The following IRF2 variants were observed in gnomAD, a reference collection of about 807,000 sequenced individuals.
The protein encoded by IRF2 is interferon regulatory factor 2.
A neutral mutation model predicts 40.6 loss-of-function variants in IRF2; 15 were observed. The observed-to-expected ratio is 0.37, with a 90% confidence interval of 0.25 to 0.57. IRF2 has a LOEUF of 0.57. Among genes scored for constraint, IRF2 ranks in the 20% least tolerant of loss-of-function variants. IRF2 has a pLI of 0.77. For missense variants in IRF2, 317 were observed against 455.7 expected (o/e 0.70, Z 2.77); for synonymous variants, 151 against 165.5 (o/e 0.91, Z 0.67).
At chr4:184,473,288 G>A (rs1415296653) in intron 1 of IRF2, among the ~76,000 whole-genome samples, 2 of 150,140 alleles carry the variant, frequency 1.3e-5, no homozygotes, top group Non-Finnish European at 3.0e-5. Context: ...GGGGACGCCG[G>A]CCCCCACTGC....
intron 5 of IRF2, among the ~76,000 whole-genome samples, chr4:184,415,029 C>G (rs1737213502): frequency 6.6e-6 from 1 of 152,156 alleles, no homozygotes; most frequent in Non-Finnish European, 1.5e-5. Flanking sequence ...CTCTGACTTT[C>G]CAATTCCAGA....
At chr4:184,454,809 A>C (rs534664044) in intron 1 of IRF2, among the ~76,000 whole-genome samples, 1 of 152,312 alleles carries the variant, frequency 6.6e-6, no homozygotes, top group South Asian at 2.1e-4. Context: ...CAGAGATCTT[A>C]ATAGCAACTT....
intron 1 of IRF2, among the ~76,000 whole-genome samples, chr4:184,462,833 T>C (rs929565062): frequency 6.6e-6 from 1 of 152,236 alleles, no homozygotes; most frequent in African/African-American, 2.4e-5. Flanking sequence ...AGGTTTCTAG[T>C]ACAAACTAGA....
At chr4:184,407,897 C>T (rs928043230) in intron 6 of IRF2, among the ~76,000 whole-genome samples, 4 of 152,166 alleles carry the variant, frequency 2.6e-5, no homozygotes, top group Non-Finnish European at 5.9e-5. Context: ...TCGCTAGCCA[C>T]GAGCCGCCGG....
intron 1 of IRF2, among the ~76,000 whole-genome samples, chr4:184,440,065 G>A (rs957190532): frequency 6.6e-6 from 1 of 152,228 alleles, no homozygotes; most frequent in African/African-American, 2.4e-5. Context: ...CTAGGCAGAT[G>A]TAAGAAACAC....
chr4:184,457,037 T>A (rs911220871), intron 1 of IRF2, among the ~76,000 whole-genome samples: 2 of 152,248 alleles, frequency 1.3e-5, no homozygotes, highest in African/African-American at 4.8e-5. Flanking sequence ...AAACACTCTG[T>A]AGCTGCGTCG....
At chr4:184,454,484 C>T (rs913408318) in intron 1 of IRF2, among the ~76,000 whole-genome samples, 111 of 152,130 alleles carry the variant, frequency 7.3e-4, no homozygotes, top group African/African-American at 2.5e-3. Flanking sequence ...GGAATACCTC[C>T]GAAGCAAGAA....
At chr4:184,395,464 G>T (rs1269391658) in intron 7 of IRF2, among the ~76,000 whole-genome samples, 4 of 141,650 alleles carry the variant, frequency 2.8e-5, no homozygotes, top group African/African-American at 1.0e-4. Context: ...AAATTCAGAT[G>T]AACAGCCCAA....
chr4:184,461,813 T>G (rs1739159182), intron 1 of IRF2, among the ~76,000 whole-genome samples: 1 of 151,972 alleles, frequency 6.6e-6, no homozygotes, highest in African/African-American at 2.4e-5. Context: ...CATTTTCAAT[T>G]CACCCTGACT....
At chr4:184,415,796 C>G (rs888992548) in intron 5 of IRF2, among the ~76,000 whole-genome samples, 1 of 152,202 alleles carries the variant, frequency 6.6e-6, no homozygotes, top group Admixed American at 6.5e-5. Flanking sequence ...ACTCCCACCC[C>G]ACATATCCTA....
intron 6 of IRF2, among the ~76,000 whole-genome samples, chr4:184,403,293 T>C (rs1579807090): frequency 6.6e-6 from 1 of 152,112 alleles, no homozygotes; most frequent in Non-Finnish European, 1.5e-5. Context: ...TCTCGACATG[T>C]GAACTGATTT....
chr4:184,445,448 G>A (rs781294263), intron 1 of IRF2, among the ~76,000 whole-genome samples: 1 of 152,148 alleles, frequency 6.6e-6, no homozygotes, highest in South Asian at 2.1e-4. Context: ...GAGCTCAAGA[G>A]ATCAACACCA....
intron 2 of IRF2, 41 bp from the exon 3 acceptor site, chr4:184,419,609 A>G: frequency 7.0e-7 from 1 of 1,432,210 alleles, no homozygotes; most frequent in Non-Finnish European, 9.6e-7. Context: ...AACTGGAGTC[A>G]TGGGTTTTGG....
chr4:184,406,182 C>T (rs529510517), intron 6 of IRF2, among the ~76,000 whole-genome samples: 1 of 152,110 alleles, frequency 6.6e-6, no homozygotes, highest in East Asian at 1.9e-4. Context: ...GGGTGATCTC[C>T]TAAGAGGTGG....
rs1036708462 is a variant in IRF2 at position 184,413,817 on chromosome 4, A to G, written c.411+4350T>C. The stretch of plus-strand genomic sequence containing the variant: ...GGAAGTACCCATTTCTATTCGCCCC[A>G]CCTACATGCCTGTATTTCCCATTGC... On this transcript the variant is annotated intron_variant, in intron 5 of 8. Transcript: ENST00000393593. This position sits in a 1 kb window ranked among gnomAD's most constrained non-coding sequence, Gnocchi z 4.2. Among the ~76,000 whole-genome samples the G allele has an allele frequency of 6.6e-6, 1 of 152,126 alleles. No homozygotes were observed. The highest frequency in any genetic ancestry group is 1.5e-5 in the Non-Finnish European group (1 of 68,018).
chr4:184,424,739 A>C (rs1016408537), intron 2 of IRF2, among the ~76,000 whole-genome samples: 4 of 152,246 alleles, frequency 2.6e-5, no homozygotes, highest in Non-Finnish European at 5.9e-5. Context: ...ATTCTGTTAG[A>C]AGCAACAGGG....
chr4:184,453,637 T>C (rs1362001070), intron 1 of IRF2, among the ~76,000 whole-genome samples: 1 of 152,180 alleles, frequency 6.6e-6, no homozygotes, highest in East Asian at 1.9e-4. Flanking sequence ...AGTCCTCTGA[T>C]GCAGACACTG....
At chr4:184,407,900 G>A (rs1736918188) in intron 6 of IRF2, among the ~76,000 whole-genome samples, 2 of 152,156 alleles carry the variant, frequency 1.3e-5, no homozygotes, top group Admixed American at 1.3e-4. Flanking sequence ...CTAGCCACGA[G>A]CCGCCGGGAA....
intron 1 of IRF2, chr4:184,472,703 G>A (rs1739555840): frequency 6.6e-6 from 1 of 152,220 alleles, no homozygotes; most frequent in South Asian, 2.1e-4. Flanking sequence ...ATGTCCCCAA[G>A]TTTCAGACAG....
Sources: allele counts gnomAD v4.1 joint callset (sites outside exome capture counted in the v4.1 genomes callset), GRCh38; gene constraint gnomAD v4.1.1; non-coding constraint Gnocchi (gnomAD v3.1); transcripts MANE v1.5; gene names NCBI Gene and HGNC (gene_info 2026-07-23, HGNC 2026-07-21).